CSMD1: variants seen among roughly 807,000 people sequenced by gnomAD.
CSMD1 encodes the protein CUB and Sushi multiple domains 1.
In CSMD1, 213 loss-of-function variants were observed where a neutral mutation model predicts 417.5. The observed-to-expected ratio is 0.51, with a 90% CI of 0.46 to 0.57. CSMD1 has a LOEUF of 0.57. CSMD1 is among the 20% of genes least tolerant of loss of function. The pLI is 0.00. For synonymous variants in CSMD1, 2,862 were observed against 1,736.8 expected (o/e 1.65, Z -16.11); for missense variants, 6,923 against 4,529.7 (o/e 1.53, Z -15.17).
chr8:3,949,171 G>A (rs534496681), intron 5 of CSMD1, among the ~76,000 whole-genome samples: 16 of 152,268 alleles, frequency 1.1e-4, no homozygotes, highest in African/African-American at 3.4e-4. Flanking sequence ...ATTAACATAT[G>A]CATTGCTTTA....
Position 3,362,975 on chromosome 8 carries a change from G to A in CSMD1, c.3116-3635C>T, listed in dbSNP as rs771540093. On this transcript the variant is annotated intron_variant, in intron 20 of 69. Transcript: ENST00000635120. Reference sequence around the variant, plus strand: ...TCAAGCTCTTCAAATCCATCCAATGGCTTCATGCAACATCCTGAGTTAACA... The same window carrying A: ...TCAAGCTCTTCAAATCCATCCAATGACTTCATGCAACATCCTGAGTTAACA... Among the ~76,000 whole-genome samples, 46 of 152,128 alleles carry A rather than the reference G, an allele frequency of 3.0e-4. 1 individual carries two copies. The highest frequency in any genetic ancestry group is 2.7e-3 in the Admixed American group (41 of 15,270).
At chr8:4,879,021 T>G (rs747909977) in intron 1 of CSMD1, among the ~76,000 whole-genome samples, 3 of 151,722 alleles carry the variant, frequency 2.0e-5, no homozygotes, top group Admixed American at 6.6e-5. Context: ...GACAGGATAT[T>G]TGGGGTTTGA....
chr8:3,949,082 A>C (rs1246574936), intron 5 of CSMD1, among the ~76,000 whole-genome samples: 1 of 152,216 alleles, frequency 6.6e-6, no homozygotes, highest in Non-Finnish European at 1.5e-5. Context: ...TAATTAATAA[A>C]TACAAATTAT....
intron 7 of CSMD1, among the ~76,000 whole-genome samples, chr8:3,628,671 C>G (rs979859739): frequency 2.6e-5 from 4 of 152,010 alleles, no homozygotes; most frequent in Non-Finnish European, 5.9e-5. Flanking sequence ...CTCACAGGCG[C>G]CCCGAGAAGG....
chr8:4,529,188 A>G (rs373784334), intron 2 of CSMD1, among the ~76,000 whole-genome samples: 55 of 152,178 alleles, frequency 3.6e-4, no homozygotes, highest in African/African-American at 1.3e-3. Flanking sequence ...CTCAGAAGCC[A>G]TGAGGTCAAA....
At chr8:3,208,264 G>A (rs1797415647) in intron 30 of CSMD1, among the ~76,000 whole-genome samples, 1 of 152,132 alleles carries the variant, frequency 6.6e-6, no homozygotes. Context: ...TATTAGCGAT[G>A]GTAAAGTAAT....
intron 4 of CSMD1, among the ~76,000 whole-genome samples, chr8:4,016,242 T>C (rs1585137053): frequency 6.6e-6 from 1 of 152,272 alleles, no homozygotes; most frequent in South Asian, 2.1e-4. Context: ...CCATTCCCTT[T>C]GCTTTCCTGC....
intron 23 of CSMD1, among the ~76,000 whole-genome samples, chr8:3,329,645 G>C (rs768691604): frequency 2.0e-5 from 3 of 152,134 alleles, no homozygotes; most frequent in Non-Finnish European, 4.4e-5. Context: ...ACAAAGGTCT[G>C]CCTGCCATCA....
chr8:3,163,617 GAAA>G (rs996110984), intron 37 of CSMD1, among the ~76,000 whole-genome samples: 1 of 108,006 alleles, frequency 9.3e-6, no homozygotes. Context: ...TTCCGAAAAA[GAAA>G]AAAAAAAAAA....
intron 5 of CSMD1, among the ~76,000 whole-genome samples, chr8:3,812,157 G>C (rs898017380): frequency 6.6e-6 from 1 of 152,152 alleles, no homozygotes; most frequent in Admixed American, 6.5e-5. Context: ...TGACAATTCT[G>C]TAAGTCTAAG....
chr8:4,402,892 T>C (rs565452935), intron 3 of CSMD1, among the ~76,000 whole-genome samples: 2 of 141,098 alleles, frequency 1.4e-5, no homozygotes, highest in Non-Finnish European at 3.0e-5. Flanking sequence ...CAATCTGGGC[T>C]CACTGCCAGC....
At chr8:4,665,649 G>C (rs1417409818) in intron 1 of CSMD1, among the ~76,000 whole-genome samples, 1 of 152,148 alleles carries the variant, frequency 6.6e-6, no homozygotes, top group Admixed American at 6.5e-5. Flanking sequence ...TTCCACGTTA[G>C]CATAACGCAT....
At position 3,591,970 on chromosome 8, in the gene CSMD1, G is replaced by T. The variant is rs76082574; in HGVS notation, c.1098-5710C>A. On this transcript the variant is annotated intron_variant, in intron 8 of 69. Transcript: ENST00000635120. ...AGATGCATGGATAGATGAATGGATG[G>T]AAAGATAGATTGATAGATAAAAGAC... 8.0e-3 allele frequency among the ~76,000 whole-genome samples: 1,211 copies of T among 152,210 alleles called. 20 individuals are homozygous for T. Among genetic ancestry groups the T allele is most frequent in the African/African-American group, 0.028 (1,162 of 41,548 alleles).
In CSMD1 at chr8:4,185,620, T is replaced by C. The variant is rs1240876660; in HGVS notation, c.416-153521A>G. ...ATGTGCTGATTTATGAAATTGCACG[T>C]TATTTAAATAGCTAATGTAAAAAGT... On this transcript the variant is annotated intron_variant, in intron 3 of 69. Coordinates refer to ENST00000635120, the MANE Select transcript of CSMD1 (RefSeq NM_033225.6). Among the ~76,000 whole-genome samples the C allele has an allele frequency of 3.3e-5, 5 of 152,348 alleles. No homozygotes were observed. The East Asian group carries it at 5.8e-4, about 18-fold the overall frequency.
chr8:3,831,774 T>G (rs1410621261), intron 5 of CSMD1, among the ~76,000 whole-genome samples: 1 of 152,206 alleles, frequency 6.6e-6, no homozygotes, highest in Admixed American at 6.5e-5. Flanking sequence ...CATAGCCATT[T>G]GGGATATTTT....
chr8:4,412,605 T>C (rs1796710237), intron 3 of CSMD1, among the ~76,000 whole-genome samples: 1 of 152,210 alleles, frequency 6.6e-6, no homozygotes, highest in African/African-American at 2.4e-5. Flanking sequence ...GGAATTTCTC[T>C]TAATGAAGTT....
At chr8:3,961,846 G>A (rs1382638512) in intron 5 of CSMD1, among the ~76,000 whole-genome samples, 3 of 152,162 alleles carry the variant, frequency 2.0e-5, no homozygotes, top group Non-Finnish European at 4.4e-5. Flanking sequence ...AGCATCATGA[G>A]GAAGAGATGT....
rs55993904 is a variant in CSMD1, at chr8:4,138,044, A to ATTTTTTTTT, written c.416-105954_416-105946dup. Among the ~76,000 whole-genome samples, 12 of 62,704 alleles carry ATTTTTTTTT rather than the reference A, an allele frequency of 1.9e-4. 2 individuals carry two copies. Among genetic ancestry groups the ATTTTTTTTT allele is most frequent in the Admixed American group, 5.1e-4 (2 of 3,924 alleles). 41.1% of individuals were successfully genotyped at this position (62,704 alleles called of 152,430 possible). Reference sequence around the variant, plus strand: ...AGGCGCCCGCCACCATGCCCGGCTAATTTTTTTTTTTTTTTTTTTTTTTTT... The same window carrying ATTTTTTTTT: ...AGGCGCCCGCCACCATGCCCGGCTAATTTTTTTTTTTTTTTTTTTTTTTTTTTTTTTTTT... On this transcript the variant is annotated intron_variant, in intron 3 of 69. Coordinates refer to ENST00000635120, the MANE Select transcript of CSMD1 (RefSeq NM_033225.6).
chr8:4,834,850 G>A (rs1006387007), intron 1 of CSMD1, among the ~76,000 whole-genome samples: 3 of 150,876 alleles, frequency 2.0e-5, no homozygotes, highest in Non-Finnish European at 4.4e-5. Context: ...CCAGCTACTT[G>A]GGAGGCTGAG....
Sources: allele counts gnomAD v4.1 joint callset (sites outside exome capture counted in the v4.1 genomes callset), GRCh38; gene constraint gnomAD v4.1.1; transcripts MANE v1.5; gene names NCBI Gene and HGNC (gene_info 2026-07-23, HGNC 2026-07-21).